The following FAT4 variants were observed in gnomAD, a reference collection of about 807,000 sequenced individuals.
FAT4 encodes the protein protocadherin Fat 4.
A neutral mutation model predicts 303.9 loss-of-function variants in FAT4; 84 were observed. The ratio of observed to expected loss-of-function variants is 0.28; its 90% CI spans 0.23 to 0.33. The LOEUF (loss-of-function observed/expected upper bound fraction) is 0.33. Ranked by LOEUF, FAT4 falls within the 10% of genes least tolerant of loss-of-function variation. The pLI is 1.00. For synonymous variants in FAT4, 2,307 were observed against 2,298.8 expected, an observed-to-expected ratio of 1.00 and a Z score of -0.10; for missense variants, 6,005 against 6,146.8, an observed-to-expected ratio of 0.98 and a Z score of 0.77.
At chr4:125,464,899 G>A (rs1228821287) in intron 11 of FAT4, among the ~76,000 whole-genome samples, 1 of 152,050 alleles carries the variant, frequency 6.6e-6, no homozygotes, top group Non-Finnish European at 1.5e-5. Context: ...GTGCTATATG[G>A]ACCTGAACAG....
chr4:125,430,772 A>G (rs1189592678), intron 7 of FAT4, among the ~76,000 whole-genome samples: 1 of 152,166 alleles, frequency 6.6e-6, no homozygotes, highest in Admixed American at 6.5e-5. Context: ...ACAGACTCAT[A>G]TAGATGTAGA....
Position 125,407,229 on chromosome 4 carries a change from A to AT in FAT4, c.5569+90dup, listed in dbSNP as rs376193599. ...ATGTTTCGGCTGCTCTTAATCAATG[A>AT]TTAGTTTTTAATCATATACTACTAG... On this transcript the variant is annotated intron_variant, in intron 4 of 17. Transcript: ENST00000394329. 5.9e-4 allele frequency: 723 copies of AT among 1,221,688 alleles called. 5 individuals carry two copies. The African/African-American group carries it at 9.9e-3, about 17-fold the overall frequency. The allele number at this position is 1,221,688 out of a possible 1,614,324, so 75.7% of individuals were successfully genotyped here.
intron 5 of FAT4, among the ~76,000 whole-genome samples, chr4:125,414,461 GA>G (rs1361313410): frequency 1.3e-5 from 2 of 152,024 alleles, no homozygotes; most frequent in African/African-American, 4.8e-5. Context: ...ATTTTGACAC[GA>G]AATATAGAAG....
At position 125,451,537 on chromosome 4, in the gene FAT4, G is replaced by T. The variant is rs757649049; in HGVS notation, c.10527G>T (p.Gly3509=). The T allele has an allele frequency of 6.8e-6, 11 of 1,614,092 alleles. No homozygotes were observed. Among genetic ancestry groups the T allele is most frequent in the Non-Finnish European group, 9.3e-6 (11 of 1,180,016 alleles). ...CCCTGGAAGATATAAATGATAACGGGCCCATGCTGACTGTCAGTGAAGGAG... is the reference window on the plus strand; with the variant it reads ...CCCTGGAAGATATAAATGATAACGGTCCCATGCTGACTGTCAGTGAAGGAG... The part of the protein sequence containing the change: ...LVTLEDINDN[G]PMLTVSEGEV... The change falls in exon 10 of 18, where the codon GGG becomes GGT. Residue 3509 remains glycine (G), a synonymous_variant. Transcript: ENST00000394329.
In FAT4 at chr4:125,463,558, T is replaced by G; in HGVS notation, c.11801-5T>G. 1 of 1,554,966 alleles carries G rather than the reference T, an allele frequency of 6.4e-7. No individual in the cohort carries two copies. Among genetic ancestry groups the G allele is most frequent in the Non-Finnish European group, 8.8e-7 (1 of 1,141,682 alleles). On this transcript the variant is annotated splice_region_variant and splice_polypyrimidine_tract_variant and intron_variant, in intron 10 of 17. Transcript: ENST00000394329. ...TTAAAAAAAACTGAATTTGATATATTTTAGGGAAAATGTGTGAATCTTCAG... is the reference window on the plus strand; with the variant it reads ...TTAAAAAAAACTGAATTTGATATATGTTAGGGAAAATGTGTGAATCTTCAG...
chr4:125,415,847 A>G (rs763188779), intron 6 of FAT4, 41 bp downstream of exon 6: 1 of 1,462,358 alleles, frequency 6.8e-7, no homozygotes, highest in South Asian at 1.3e-5. Context: ...CTTAATTATA[A>G]GACATCTATT....
rs1725899310 is a variant in FAT4 at position 125,448,318 on chromosome 4, A to G, written c.7451-143A>G. 3.3e-5 allele frequency: 24 copies of G among 725,932 alleles called. No homozygotes were observed. The South Asian group carries it at 5.2e-4, about 16-fold the overall frequency. 45.0% of individuals were successfully genotyped at this position (725,932 alleles called of 1,614,324 possible). A position where few individuals can be genotyped will look rare whatever the true frequency, so the allele number is the denominator to read the frequency against. On this transcript the variant is annotated intron_variant, in intron 9 of 17. Coordinates refer to ENST00000394329, the MANE Select transcript of FAT4 (RefSeq NM_001291303.3). ...TTGACTTGTGAACCTCGGAGAAAATATAGGAGATACTGTTCTCCCTAGTAA... is the reference window on the plus strand; with the variant it reads ...TTGACTTGTGAACCTCGGAGAAAATGTAGGAGATACTGTTCTCCCTAGTAA...
intron 2 of FAT4, among the ~76,000 whole-genome samples, chr4:125,346,968 G>T (rs1032666459): frequency 6.6e-6 from 1 of 151,904 alleles, no homozygotes; most frequent in Non-Finnish European, 1.5e-5. Flanking sequence ...TTAAATAAGG[G>T]CTATACTGTG....
At chr4:125,367,797 A>G (rs1482921762) in intron 2 of FAT4, among the ~76,000 whole-genome samples, 1 of 152,150 alleles carries the variant, frequency 6.6e-6, no homozygotes, top group African/African-American at 2.4e-5. Flanking sequence ...AGCATTTAAG[A>G]AAGTACTGCA....
rs1317645126 is a variant in FAT4, at chr4:125,320,253, A to C, written c.3842A>C (p.Tyr1281Ser). Residue 1281 changes from tyrosine to serine, a missense_variant, in exon 2 of 18, where the codon TAT becomes TCT. Coordinates refer to ENST00000394329, the MANE Select transcript of FAT4 (RefSeq NM_001291303.3). ...TTAGACTATGAAGCAACACCTGCCTATTCCCTTGTAATTCAAGCAGTGGAT... is the reference window on the plus strand; with the variant it reads ...TTAGACTATGAAGCAACACCTGCCTCTTCCCTTGTAATTCAAGCAGTGGAT... Reference protein sequence around the residue: ...GKLDYEATPAYSLVIQAVDSG... With the variant: ...GKLDYEATPASSLVIQAVDSG... 6.2e-7 allele frequency: 1 copy of C among 1,614,174 alleles called. No individual in the cohort carries two copies. The highest frequency in any genetic ancestry group is 1.6e-4 in the Middle Eastern group (1 of 6,062).
At chr4:125,419,054 C>T (rs1189206230) in intron 7 of FAT4, among the ~76,000 whole-genome samples, 2 of 152,196 alleles carry the variant, frequency 1.3e-5, no homozygotes, top group African/African-American at 2.4e-5. Flanking sequence ...CCCCAGTTCA[C>T]ATCCTACCTC....
chr4:125,491,411 T>C lies in FAT4; in HGVS notation c.14595T>C (p.Tyr4865=), dbSNP rs774607238. 2 of 1,614,124 alleles carry C rather than the reference T, an allele frequency of 1.2e-6. No homozygotes were observed. The highest frequency in any genetic ancestry group is 4.5e-5 in the East Asian group (2 of 44,862). The change falls in exon 18 of 18, where the codon TAT becomes TAC. Residue 4865 remains tyrosine, a synonymous_variant. Coordinates refer to ENST00000394329, the MANE Select transcript of FAT4 (RefSeq NM_001291303.3). ...MEYDREKPMV[Y]TSRMPKLSQV... ...ATGACAGGGAGAAGCCAATGGTATA[T>C]ACTTCCAGAATGCCCAAATTATCTC...
intron 11 of FAT4, among the ~76,000 whole-genome samples, chr4:125,465,472 G>A (rs1203612546): frequency 6.6e-6 from 1 of 152,180 alleles, no homozygotes; most frequent in African/African-American, 2.4e-5. Context: ...ATTTTCAAGT[G>A]ACTGAACAGA....
chr4:125,350,614 C>T (rs1732183600), intron 2 of FAT4, among the ~76,000 whole-genome samples: 1 of 151,644 alleles, frequency 6.6e-6, no homozygotes, highest in African/African-American at 2.4e-5. Flanking sequence ...CCGAATGTTC[C>T]TATCTATAAC....
intron 2 of FAT4, among the ~76,000 whole-genome samples, chr4:125,330,229 T>TTA (rs371747366): frequency 1.3e-5 from 2 of 152,114 alleles, no homozygotes; most frequent in Non-Finnish European, 2.9e-5. Context: ...TATTTTTTTT[T>TTA]ATCTCACATT....
chr4:125,316,469 T>A lies in FAT4; in HGVS notation c.58T>A (p.Ser20Thr). The A allele has an allele frequency of 6.2e-7, 1 of 1,613,840 alleles. No homozygotes were observed. Among genetic ancestry groups the A allele is most frequent in the South Asian group, 1.1e-5 (1 of 91,080 alleles). The change falls in exon 2 of 18, where the codon TCA becomes ACA. Residue 20 changes from serine (S) to threonine (T), a missense_variant. By Grantham distance (58) the Ser-to-Thr change is moderately conservative (BLOSUM62 1). Coordinates refer to ENST00000394329, the MANE Select transcript of FAT4 (RefSeq NM_001291303.3). The surrounding 1 kb of genome is among the most constrained non-coding windows in gnomAD (Gnocchi z 5.7). ...CCCGTGGCTCCCGTTGCACACTCTA[T>A]CAGTATCTCAGCTCCTTCGAGTGTT... ...GRPWLPLHTL[S>T]VSQLLRVFWL...
At chr4:125,340,900 G>A (rs1731767587) in intron 2 of FAT4, among the ~76,000 whole-genome samples, 2 of 152,244 alleles carry the variant, frequency 1.3e-5, no homozygotes, top group East Asian at 1.9e-4. Flanking sequence ...TAGTTGACAA[G>A]CTATTGCAAG....
chr4:125,400,429 A>G (rs368393406), intron 3 of FAT4, among the ~76,000 whole-genome samples: 2 of 152,050 alleles, frequency 1.3e-5, no homozygotes, highest in East Asian at 3.8e-4. Flanking sequence ...ATACTGTTAT[A>G]ATTTTATTTC....
chr4:125,347,649 C>T (rs1479958141), intron 2 of FAT4, among the ~76,000 whole-genome samples: 4 of 151,508 alleles, frequency 2.6e-5, no homozygotes, highest in Non-Finnish European at 1.5e-5. Flanking sequence ...TAAGTGTGCT[C>T]ACTGTGTTAT....
Sources: allele counts gnomAD v4.1 joint callset (sites outside exome capture counted in the v4.1 genomes callset), GRCh38; gene constraint gnomAD v4.1.1; non-coding constraint Gnocchi (gnomAD v3.1); transcripts MANE v1.5; gene names NCBI Gene and HGNC (gene_info 2026-07-23, HGNC 2026-07-21).